GOLGA2: variants seen among roughly 807,000 people sequenced by gnomAD.
GOLGA2 encodes golgin A2.
In GOLGA2, 49 loss-of-function variants were observed where a neutral mutation model predicts 148.8. The observed-to-expected ratio is 0.33, with a 90% CI of 0.26 to 0.42. GOLGA2 has a LOEUF of 0.42. Among genes scored for constraint, GOLGA2 ranks in the 10% least tolerant of loss-of-function variants. The pLI, the probability that GOLGA2 is intolerant of heterozygous loss-of-function variation, is 1.00. For missense variants in GOLGA2, 1,178 were observed against 1,304.6 expected, an observed-to-expected ratio of 0.90 and a Z score of 1.49; for synonymous variants, 501 against 511.8, an observed-to-expected ratio of 0.98 and a Z score of 0.28.
chr9:128,275,586 T>A (rs912238126), intron 1 of GOLGA2: 16 of 1,051,782 alleles, frequency 1.5e-5, no homozygotes, highest in Non-Finnish European at 1.8e-5. Flanking sequence ...GGGTCCTAGG[T>A]CCTTGGAGAC....
Position 128,256,191 on chromosome 9 carries a change from G to A in GOLGA2, c.*876C>T, listed in dbSNP as rs1277819989. 6.6e-6 allele frequency: 1 copy of A among 152,572 alleles called. No homozygotes were observed. The highest frequency in any genetic ancestry group is 1.5e-5 in the Non-Finnish European group (1 of 68,064). 9.5% of individuals were successfully genotyped at this position (152,572 alleles called of 1,614,324 possible). ...TGGGAGCCCCCCTGAGGGAAAAATT[G>A]CTTTGGTGAGAGTAAGGAGGCCATG... On this transcript the variant is annotated 3_prime_UTR_variant, in exon 27 of 27. Transcript: ENST00000611957.
chr9:128,268,461 G>C lies in GOLGA2; in HGVS notation c.352C>G (p.Pro118Ala). The C allele has an allele frequency of 1.9e-6, 3 of 1,611,802 alleles. No homozygotes were observed. The highest frequency in any genetic ancestry group is 2.5e-6 in the Non-Finnish European group (3 of 1,178,436). Reference sequence around the variant, plus strand: ...CTAGTGAGACTGGCACCAGGGGAAGGGACACCGCCAGGTAACACGGTGTCA... The same window carrying C: ...CTAGTGAGACTGGCACCAGGGGAAGCGACACCGCCAGGTAACACGGTGTCA... ...SDDTVLPGGV[P>A]SPGASLTSMA... Residue 118 changes from proline to alanine, a missense_variant, in exon 4 of 27, where the codon CCT (proline) becomes GCT (alanine). Transcript: ENST00000611957.
At chr9:128,267,911 C>T in intron 6 of GOLGA2, 23 bp downstream of exon 6, 6 of 1,568,972 alleles carry the variant, frequency 3.8e-6, no homozygotes, top group Non-Finnish European at 5.3e-6. Flanking sequence ...CCACCCCGCT[C>T]TCGGCCTCAG....
chr9:128,264,159 C>T (rs1333426839), intron 12 of GOLGA2, among the ~76,000 whole-genome samples: 1 of 149,414 alleles, frequency 6.7e-6, no homozygotes, highest in Non-Finnish European at 1.5e-5. Context: ...AGTGAGACTC[C>T]GTCTCAAAAA....
intron 3 of GOLGA2, 90 bp from the exon 4 acceptor site, chr9:128,268,614 G>A (rs1830748134): frequency 2.8e-6 from 2 of 703,762 alleles, no homozygotes; most frequent in African/African-American, 1.7e-5. Flanking sequence ...GGTAGGACAG[G>A]TGTTGCTGCA....
At position 128,257,234 on chromosome 9, in the gene GOLGA2, C is replaced by G; in HGVS notation, c.2923G>C (p.Glu975Gln). 1 of 1,613,750 alleles carries G rather than the reference C, an allele frequency of 6.2e-7. No homozygotes were observed. The highest frequency in any genetic ancestry group is 8.5e-7 in the Non-Finnish European group (1 of 1,179,988). ...TCACGGGGAGAACCCTCCCTGGCCT[C>G]TCCTTGGGCAGGCTCCACACTGCCG... is the stretch of plus-strand genomic sequence containing the variant. ...LAGSVEPAQG[E>Q]AREGSPRDNP... Residue 975 changes from glutamate to glutamine, a missense_variant, in exon 27 of 27, where the codon GAG becomes CAG. Glu to Gln is a conservative substitution (Grantham distance 29). Around this residue, in one of 5 missense-constraint regions of GOLGA2, gnomAD observed 149 missense variants for 154.9 expected, o/e 0.96. Transcript: ENST00000611957. The surrounding 1 kb of genome is among the most constrained non-coding windows in gnomAD (Gnocchi z 8.0).
At chr9:128,262,529 CG>C (rs1564364947) in intron 14 of GOLGA2, 33 bp downstream of exon 14, 1 of 1,599,872 alleles carries the variant, frequency 6.3e-7, no homozygotes, top group African/African-American at 1.3e-5. Context: ...AGCTGGATGG[CG>C]CTCCCACCAC....
In GOLGA2 at chr9:128,258,399, C is replaced by A. The variant is rs912796676; in HGVS notation, c.2289+56G>T. On this transcript the variant is annotated intron_variant, in intron 22 of 26. Transcript: ENST00000611957. The surrounding 1 kb of genome is among the most constrained non-coding windows in gnomAD (Gnocchi z 6.6). The stretch of plus-strand genomic sequence containing the variant: ...CGGGAAACCAAGAGCAGAAGGGGGT[C>A]TGGGAGGGACCACAGAGGGAGGCAG... The A allele has an allele frequency of 8.8e-6, 13 of 1,480,816 alleles. No homozygotes were observed. The Admixed American group carries it at 1.7e-4, about 19-fold the overall frequency. The allele number at this position is 1,480,816 out of a possible 1,614,324, so 91.7% of individuals were successfully genotyped here. A position where few individuals can be genotyped will look rare whatever the true frequency, so the allele number is the denominator to read the frequency against.
chr9:128,267,803 G>A, intron 6 of GOLGA2, 131 bp downstream of exon 6: 1 of 765,308 alleles, frequency 1.3e-6, no homozygotes, highest in Non-Finnish European at 2.2e-6. Context: ...CAGGGAAAAG[G>A]CGACTTCCTT....
Position 128,273,859 on chromosome 9 carries a change from TGAGTGGCAACCACCA to T in GOLGA2, c.183_197del (p.Gly62_Ser66del), listed in dbSNP as rs1564369892. 1 of 1,613,958 alleles carries T rather than the reference TGAGTGGCAACCACCA, an allele frequency of 6.2e-7. No individual in the cohort carries two copies. Among genetic ancestry groups the T allele is most frequent in the Admixed American group, 1.7e-5 (1 of 60,000 alleles). On this transcript the variant is annotated inframe_deletion, in exon 2 of 27. Coordinates refer to ENST00000611957, the MANE Select transcript of GOLGA2 (RefSeq NM_001366244.2). ...GCCATCCAAGACTCACATCCTCAGG[TGAGTGGCAACCACCA>T]GAAGTGGTTGTCTCAGGGTTACTGC...
In GOLGA2 at chr9:128,259,085, A is replaced by G. The variant is rs1227550269; in HGVS notation, c.2098-3T>C. On this transcript the variant is annotated splice_region_variant and splice_polypyrimidine_tract_variant and intron_variant, in intron 20 of 26. Transcript: ENST00000611957. ...TGGGTGGCAGCTTCCAGGCGCTCCTAAGGGGCCAGAAAAGAGAGTGAGAAG... is the reference window on the plus strand; with the variant it reads ...TGGGTGGCAGCTTCCAGGCGCTCCTGAGGGGCCAGAAAAGAGAGTGAGAAG... 6.2e-7 allele frequency: 1 copy of G among 1,611,778 alleles called. No homozygotes were observed. Among genetic ancestry groups the G allele is most frequent in the Admixed American group, 1.7e-5 (1 of 60,008 alleles).
Position 128,266,923 on chromosome 9 carries a change from C to T in GOLGA2, c.642+271G>A, listed in dbSNP as rs1021990028. ...GGCTCCTGACAACCAGTCAGGCTAG[C>T]GCTTCCCCAAGAGGCAACAACCCCA... On this transcript the variant is annotated intron_variant, in intron 8 of 26. Transcript: ENST00000611957. This position sits in a 1 kb window ranked among gnomAD's most constrained non-coding sequence, Gnocchi z 4.2. 25 of 555,088 alleles carry T rather than the reference C, an allele frequency of 4.5e-5. No individual in the cohort carries two copies. Among genetic ancestry groups the T allele is most frequent in the African/African-American group, 3.2e-4 (17 of 52,886 alleles). The allele number at this position is 555,088 out of a possible 1,614,324, so 34.4% of individuals were successfully genotyped here.
intron 12 of GOLGA2, among the ~76,000 whole-genome samples, chr9:128,263,670 A>G (rs1200900009): frequency 6.6e-6 from 1 of 151,862 alleles, no homozygotes; most frequent in African/African-American, 2.4e-5. Context: ...CGCCCGTCTC[A>G]GCCTCCCAAA....
In GOLGA2 at chr9:128,261,602, G is replaced by A; in HGVS notation, c.1225-41C>T. ...CAGAAATGAGGAAGGACTGTCACTG[G>A]TTGTCACCTACTCCTGGCCACCTGG... On this transcript the variant is annotated intron_variant, in intron 15 of 26. Transcript: ENST00000611957. The surrounding 1 kb of genome is among the most constrained non-coding windows in gnomAD (Gnocchi z 5.7). 1 of 1,514,004 alleles carries A rather than the reference G, an allele frequency of 6.6e-7. No homozygotes were observed. The highest frequency in any genetic ancestry group is 9.2e-7 in the Non-Finnish European group (1 of 1,088,460). The allele number at this position is 1,514,004 out of a possible 1,614,324, so 93.8% of individuals were successfully genotyped here.
chr9:128,268,869 T>A (rs1830764741), intron 3 of GOLGA2, among the ~76,000 whole-genome samples: 1 of 152,202 alleles, frequency 6.6e-6, no homozygotes, highest in South Asian at 2.1e-4. Context: ...AAAGGCACTG[T>A]TCTTCCAGAA....
At position 128,267,474 on chromosome 9, in the gene GOLGA2, T is replaced by C; in HGVS notation, c.545A>G (p.Asn182Ser). The change falls in exon 7 of 27, where the codon AAC (asparagine) becomes AGC (serine). Residue 182 changes from asparagine (N) to serine (S), a missense_variant. Coordinates refer to ENST00000611957, the MANE Select transcript of GOLGA2 (RefSeq NM_001366244.2). ...GCCTCTTACCTCCAGATCCTTCAGGTTAGCAGACGATGCAGGGCCCTCCCC... is the reference window on the plus strand; with the variant it reads ...GCCTCTTACCTCCAGATCCTTCAGGCTAGCAGACGATGCAGGGCCCTCCCC... ...VNGEGPASSA[N>S]LKDLESRYQQ... 1 of 1,613,468 alleles carries C rather than the reference T, an allele frequency of 6.2e-7. No homozygotes were observed. The highest frequency in any genetic ancestry group is 1.1e-5 in the South Asian group (1 of 91,068).
chr9:128,258,217 C>A lies in GOLGA2; in HGVS notation c.2290-19G>T. 1 of 1,551,340 alleles carries A rather than the reference C, an allele frequency of 6.4e-7. No homozygotes were observed. The highest frequency in any genetic ancestry group is 1.2e-5 in the South Asian group (1 of 86,562). On this transcript the variant is annotated intron_variant, in intron 22 of 26. Transcript: ENST00000611957. The surrounding 1 kb of genome is among the most constrained non-coding windows in gnomAD (Gnocchi z 6.6). ...ATGCCACCTGCAGGCAAGAGGGGTGCATTCTTGTAGGAGGATATATAGGAT... is the reference window on the plus strand; with the variant it reads ...ATGCCACCTGCAGGCAAGAGGGGTGAATTCTTGTAGGAGGATATATAGGAT...
At chr9:128,274,141 G>A (rs1288744920) in intron 1 of GOLGA2, among the ~76,000 whole-genome samples, 169 bp from the exon 2 acceptor site, 1 of 152,094 alleles carries the variant, frequency 6.6e-6, no homozygotes, top group East Asian at 1.9e-4. Context: ...TTGATACCAT[G>A]GCTTAAAAAA....
Position 128,266,938 on chromosome 9 carries a change from C to G in GOLGA2, c.642+256G>C. The G allele has an allele frequency of 1.7e-6, 1 of 573,276 alleles. No individual in the cohort carries two copies. 35.5% of individuals were successfully genotyped at this position (573,276 alleles called of 1,614,324 possible). A position where few individuals can be genotyped will look rare whatever the true frequency, so the allele number is the denominator to read the frequency against. On this transcript the variant is annotated intron_variant, in intron 8 of 26. Coordinates refer to ENST00000611957, the MANE Select transcript of GOLGA2 (RefSeq NM_001366244.2). The surrounding 1 kb of genome is among the most constrained non-coding windows in gnomAD (Gnocchi z 4.2). ...GTCAGGCTAGCGCTTCCCCAAGAGG[C>G]AACAACCCCAGGGCGTGTGTGGCAA...
Sources: gnomAD v4.1 joint callset for allele counts (sites outside exome capture counted in the v4.1 genomes callset) on GRCh38, gnomAD v4.1.1 for gene constraint, gnomAD v4.1.1 regional missense constraint, Gnocchi (gnomAD v3.1) non-coding constraint, MANE v1.5 for transcripts, NCBI Gene and HGNC (gene_info 2026-07-23, HGNC 2026-07-21) for gene names.